Variants in CTH observed in about 807,000 individuals in gnomAD.
CTH encodes the protein cystathionine gamma-lyase, also known as cystathionase (cystathionine gamma-lyase).
A neutral mutation model predicts 50.6 loss-of-function variants in CTH; 41 were observed. The observed-to-expected ratio is 0.81, with a 90% CI of 0.63 to 1.05. CTH has a LOEUF of 1.05. Ranked by LOEUF, CTH falls within the 50% of genes least tolerant of loss-of-function variation. The pLI, the probability that CTH is intolerant of heterozygous loss-of-function variation, is 0.00. For synonymous variants in CTH, 156 were observed against 168.9 expected, an observed-to-expected ratio of 0.92 and a Z score of 0.59; for missense variants, 470 against 492.6, an observed-to-expected ratio of 0.95 and a Z score of 0.43.
chr1:70,411,628 G>T, intron 1 of CTH, 45 bp downstream of exon 1: 1 of 1,586,792 alleles, frequency 6.3e-7, no homozygotes, highest in South Asian at 1.1e-5. Flanking sequence ...GGCGGTAAAA[G>T]AGATACGGCT....
At chr1:70,422,190 C>G (rs1368636753) in intron 4 of CTH, among the ~76,000 whole-genome samples, 2 of 152,186 alleles carry the variant, frequency 1.3e-5, no homozygotes, top group Non-Finnish European at 2.9e-5. Flanking sequence ...AGCACAGTGG[C>G]TTTGCCGGGC....
Position 70,424,423 on chromosome 1 carries a change from GA to G in CTH, c.588+11del. ...TATGTCACCATATTTCCAGGTAAAT[GA>G]AAATAATTTTTTTTGGCACAATTAG... On this transcript the variant is annotated splice_region_variant and intron_variant, in intron 5 of 11. Coordinates refer to ENST00000370938, the MANE Select transcript of CTH (RefSeq NM_001902.6). The G allele has an allele frequency of 6.2e-7, 1 of 1,613,700 alleles. No individual in the cohort carries two copies. Among genetic ancestry groups the G allele is most frequent in the Non-Finnish European group, 8.5e-7 (1 of 1,179,818 alleles).
At chr1:70,429,520 G>T (rs949856713) in intron 5 of CTH, among the ~76,000 whole-genome samples, 1 of 152,146 alleles carries the variant, frequency 6.6e-6, no homozygotes, top group African/African-American at 2.4e-5. Context: ...AAAGAAACAG[G>T]TTCAAGAGAC....
chr1:70,432,067 T>C lies in CTH; in HGVS notation c.725-16T>C. 6.2e-7 allele frequency: 1 copy of C among 1,613,812 alleles called. No individual in the cohort carries two copies. The highest frequency in any genetic ancestry group is 8.5e-7 in the Non-Finnish European group (1 of 1,179,962). On this transcript the variant is annotated splice_polypyrimidine_tract_variant and intron_variant, in intron 7 of 11. Transcript: ENST00000370938. Reference sequence around the variant, plus strand: ...ACCCTGCCTTCAAACTTATCCAGGATGTGTTCATTTTGCAGCTCTTGGAGC... The same window carrying C: ...ACCCTGCCTTCAAACTTATCCAGGACGTGTTCATTTTGCAGCTCTTGGAGC...
In CTH at chr1:70,415,165, C is replaced by G. The variant is rs564738945; in HGVS notation, c.169-791C>G. Among the ~76,000 whole-genome samples, 8 of 152,148 alleles carry G rather than the reference C, an allele frequency of 5.3e-5. No homozygotes were observed. The East Asian group carries it at 1.5e-3, about 29-fold the overall frequency. ...CCTGTAATCTCAGCACTTTGGGAGA[C>G]CAATGTGGGAAGATTGCTTGAGGTC... is the stretch of plus-strand genomic sequence containing the variant. On this transcript the variant is annotated intron_variant, in intron 1 of 11. Coordinates refer to ENST00000370938, the MANE Select transcript of CTH (RefSeq NM_001902.6).
intron 1 of CTH, among the ~76,000 whole-genome samples, chr1:70,412,361 T>G (rs576764501): frequency 6.6e-6 from 1 of 152,342 alleles, no homozygotes; most frequent in Non-Finnish European, 1.5e-5. Context: ...ATCCCAGCAC[T>G]TTGGGAGGCT....
intron 5 of CTH, among the ~76,000 whole-genome samples, chr1:70,426,611 A>G (rs1005053491): frequency 1.6e-4 from 25 of 152,290 alleles, no homozygotes; most frequent in African/African-American, 5.1e-4. Flanking sequence ...TCCTGGCTAC[A>G]TTGCATTCAG....
intron 7 of CTH, among the ~76,000 whole-genome samples, chr1:70,431,839 A>G (rs1053119739): frequency 2.0e-5 from 3 of 152,214 alleles, no homozygotes; most frequent in Non-Finnish European, 4.4e-5. Context: ...TGAGAAGTTT[A>G]TATCATTGTG....
intron 10 of CTH, among the ~76,000 whole-genome samples, chr1:70,438,034 TTC>T (rs1684634625): frequency 6.6e-6 from 1 of 152,214 alleles, no homozygotes; most frequent in African/African-American, 2.4e-5. Flanking sequence ...AAATATCTCA[TTC>T]TTCTTGGTTT....
At chr1:70,424,253 A>G in intron 4 of CTH, 32 bp from the exon 5 acceptor site, 1 of 1,613,828 alleles carries the variant, frequency 6.2e-7, no homozygotes, top group African/African-American at 1.3e-5. Flanking sequence ...GTATATTTTT[A>G]CAAACTACTG....
chr1:70,416,098 A>C, intron 2 of CTH, 61 bp downstream of exon 2: 1 of 999,360 alleles, frequency 1.0e-6, no homozygotes, highest in Non-Finnish European at 1.6e-6. Flanking sequence ...AAAACCATAG[A>C]GGCACAGAAT....
At chr1:70,438,340 T>C (rs1365586751) in intron 10 of CTH, among the ~76,000 whole-genome samples, 1 of 152,176 alleles carries the variant, frequency 6.6e-6, no homozygotes, top group Non-Finnish European at 1.5e-5. Flanking sequence ...ATGGAGTACA[T>C]GATTTCTGGC....
At chr1:70,413,374 C>T (rs1291187724) in intron 1 of CTH, among the ~76,000 whole-genome samples, 2 of 151,774 alleles carry the variant, frequency 1.3e-5, no homozygotes, top group African/African-American at 4.8e-5. Flanking sequence ...AGCGATTCTC[C>T]GGCCTCAGCC....
chr1:70,411,297 A>G lies in CTH; in HGVS notation c.-119A>G, dbSNP rs893288148. On this transcript the variant is annotated 5_prime_UTR_variant, in exon 1 of 12. Transcript: ENST00000370938. ...CTTTAGTGCGCTCGCCGTCGGCTCT[A>G]CCTGCGTGCTTTAGCTCCTTCTCGC... 12 of 1,013,450 alleles carry G rather than the reference A, an allele frequency of 1.2e-5. No individual in the cohort carries two copies. In the African/African-American group the frequency reaches 1.3e-4, roughly 11 times the overall value. 62.8% of individuals were successfully genotyped at this position (1,013,450 alleles called of 1,614,324 possible).
At chr1:70,432,041 T>A (rs1489422407) in intron 7 of CTH, 42 bp from the exon 8 acceptor site, 8 of 1,610,776 alleles carry the variant, frequency 5.0e-6, no homozygotes, top group Non-Finnish European at 6.8e-6. Context: ...TTCTTGGCCA[T>A]ACCCTGCCTT....
chr1:70,432,504 T>C (rs1684499744), intron 8 of CTH, among the ~76,000 whole-genome samples: 1 of 152,108 alleles, frequency 6.6e-6, no homozygotes, highest in Non-Finnish European at 1.5e-5. Flanking sequence ...TGGTGGTCTG[T>C]GATTTGAAGG....
At chr1:70,435,519 T>C (rs919135794) in intron 10 of CTH, among the ~76,000 whole-genome samples, 35 of 152,034 alleles carry the variant, frequency 2.3e-4, no homozygotes, top group Admixed American at 1.3e-4. Context: ...GGAGACTTTG[T>C]ACTAGAAAAG....
chr1:70,413,126 G>A (rs548829683), intron 1 of CTH, among the ~76,000 whole-genome samples: 1 of 152,240 alleles, frequency 6.6e-6, no homozygotes, highest in Admixed American at 6.5e-5. Flanking sequence ...TGTTATATAA[G>A]TTGAGGAAAA....
chr1:70,424,210 A>G, intron 4 of CTH, 75 bp from the exon 5 acceptor site: 1 of 1,609,626 alleles, frequency 6.2e-7, no homozygotes, highest in Non-Finnish European at 8.5e-7. Flanking sequence ...AGCTTCCCAG[A>G]TTGTTACAAT....
Sources: allele counts gnomAD v4.1 joint callset (sites outside exome capture counted in the v4.1 genomes callset), GRCh38; gene constraint gnomAD v4.1.1; transcripts MANE v1.5; gene names NCBI Gene and HGNC (gene_info 2026-07-23, HGNC 2026-07-21).